Variants in ADAM12 observed in about 807,000 individuals in gnomAD.
ADAM12 encodes the protein ADAM metallopeptidase domain 12, also known as disintegrin and metalloproteinase domain-containing protein 12.
Under a neutral mutation model 106.4 loss-of-function variants are expected in ADAM12, and 70 were observed. The observed-to-expected ratio is 0.66, with a 90% CI of 0.54 to 0.80. The LOEUF is 0.80. Ranked by LOEUF, ADAM12 falls within the 30% of genes least tolerant of loss-of-function variation. The pLI is 0.00. For synonymous variants in ADAM12, 420 were observed against 433.5 expected, an observed-to-expected ratio of 0.97 and a Z score of 0.39; for missense variants, 1,010 against 1,171.9, an observed-to-expected ratio of 0.86 and a Z score of 2.02.
chr10:126,286,260 T>C (rs1959855483), intron 2 of ADAM12, among the ~76,000 whole-genome samples: 1 of 152,130 alleles, frequency 6.6e-6, no homozygotes. Context: ...TGAATTAATG[T>C]GGCAGTGGAA....
At chr10:126,136,002 C>A (rs1956398808) in intron 4 of ADAM12, among the ~76,000 whole-genome samples, 1 of 152,138 alleles carries the variant, frequency 6.6e-6, no homozygotes, top group South Asian at 2.1e-4. Context: ...TGTAAATTGT[C>A]TTTTGTAATG....
intron 2 of ADAM12, among the ~76,000 whole-genome samples, chr10:126,314,918 G>A (rs1320213454): frequency 6.6e-6 from 1 of 152,194 alleles, no homozygotes; most frequent in Non-Finnish European, 1.5e-5. Flanking sequence ...AAAGGGAGAA[G>A]CGGGGGTTTC....
At chr10:126,073,551 A>C (rs111372878) in intron 11 of ADAM12, among the ~76,000 whole-genome samples, 27,687 of 151,956 alleles carry the variant, frequency 0.18, 2,874 homozygotes, top group South Asian at 0.28. Context: ...CTCCTTTCCC[A>C]GTGTCTGTTG....
chr10:126,271,243 C>T (rs953711622), intron 3 of ADAM12, among the ~76,000 whole-genome samples: 4 of 152,224 alleles, frequency 2.6e-5, no homozygotes, highest in Admixed American at 2.6e-4. Flanking sequence ...CATCACTGTT[C>T]TCCTGGCATC....
At chr10:126,132,232 C>A (rs1042259611) in intron 5 of ADAM12, among the ~76,000 whole-genome samples, 1 of 152,190 alleles carries the variant, frequency 6.6e-6, no homozygotes, top group Admixed American at 6.5e-5. Context: ...CTCGGCCTCC[C>A]AAAGTGCTAG....
chr10:126,087,382 G>C lies in ADAM12; in HGVS notation c.1145+6603C>G, dbSNP rs1350972973. On this transcript the variant is annotated intron_variant, in intron 11 of 22. Transcript: ENST00000448723. ...TTCATTTTTCCCTGTGATAATGTCG[G>C]GGTACAGCTGACTCCATTACTCTGG... Among the ~76,000 whole-genome samples the C allele has an allele frequency of 2.6e-5, 4 of 152,184 alleles. No homozygotes were observed. The East Asian group carries it at 7.7e-4, about 29-fold the overall frequency.
intron 11 of ADAM12, among the ~76,000 whole-genome samples, chr10:126,076,380 G>A (rs1268544914): frequency 1.3e-5 from 2 of 152,312 alleles, no homozygotes; most frequent in East Asian, 3.9e-4. Flanking sequence ...ATGAAAGTAT[G>A]AGGGCACGTG....
chr10:126,182,845 C>T (rs975563729), intron 3 of ADAM12, among the ~76,000 whole-genome samples: 11 of 152,254 alleles, frequency 7.2e-5, no homozygotes, highest in Non-Finnish European at 1.2e-4. Flanking sequence ...ATTTTCCCGC[C>T]TCCTGGCACG....
intron 1 of ADAM12, among the ~76,000 whole-genome samples, chr10:126,345,619 T>C (rs964618333): frequency 6.6e-6 from 1 of 152,228 alleles, no homozygotes; most frequent in African/African-American, 2.4e-5. Flanking sequence ...TCCTTGTACC[T>C]CTGGTAGAAT....
chr10:126,125,452 C>T (rs2133646145), intron 5 of ADAM12, among the ~76,000 whole-genome samples: 1 of 152,032 alleles, frequency 6.6e-6, no homozygotes, highest in South Asian at 2.1e-4. Context: ...ACCATGTTGG[C>T]CAGGAGGGTC....
Position 126,053,103 on chromosome 10 carries a change from C to T in ADAM12, c.1610-3434G>A, listed in dbSNP as rs1051610505. Among the ~76,000 whole-genome samples the T allele has an allele frequency of 6.6e-6, 1 of 152,040 alleles. No individual in the cohort carries two copies. Among genetic ancestry groups the T allele is most frequent in the Non-Finnish European group, 1.5e-5 (1 of 68,026 alleles). ...CTGGTCGTTTAAAAGTGTGTGGCAC[C>T]TCCCTTTTCCTTCTCTCTCTTGCTC... On this transcript the variant is annotated intron_variant, in intron 14 of 22. Transcript: ENST00000448723. The surrounding 1 kb of genome is among the most constrained non-coding windows in gnomAD (Gnocchi z 4.6).
intron 11 of ADAM12, among the ~76,000 whole-genome samples, chr10:126,078,369 G>T (rs1036587985): frequency 6.6e-6 from 1 of 152,080 alleles, no homozygotes; most frequent in Admixed American, 6.6e-5. Flanking sequence ...TTCCTTAAGG[G>T]ATGTGCCCAC....
At chr10:126,165,571 T>C (rs1419930203) in intron 3 of ADAM12, among the ~76,000 whole-genome samples, 1 of 152,182 alleles carries the variant, frequency 6.6e-6, no homozygotes, top group Non-Finnish European at 1.5e-5. Flanking sequence ...AGAGGTTAAG[T>C]GACTTGTCCA....
chr10:126,283,505 G>A (rs1450417325), intron 2 of ADAM12, among the ~76,000 whole-genome samples: 2 of 152,210 alleles, frequency 1.3e-5, no homozygotes, highest in African/African-American at 4.8e-5. Flanking sequence ...TCTGCTGACT[G>A]TGCAACTGCG....
chr10:126,228,068 G>A (rs1958234996), intron 3 of ADAM12, among the ~76,000 whole-genome samples: 1 of 152,150 alleles, frequency 6.6e-6, no homozygotes, highest in African/African-American at 2.4e-5. Flanking sequence ...GTCAAGGACG[G>A]CCCCAGACAC....
In ADAM12 at chr10:126,019,711, G is replaced by A. The variant is rs138915748; in HGVS notation, c.2644C>T (p.Arg882Cys). ...CACACAAACCTGAGGGGTGCCAGGC[G>A]GAGCCCAGTCTCCCATTGTCCTGGG... ...RTPGQWETGL[R>C]LAPLRPAPQY... The change falls in exon 22 of 23, where the codon CGC (arginine) becomes TGC (cysteine). Residue 882 changes from arginine (R) to cysteine (C), a missense_variant. By Grantham distance (180) the Arg-to-Cys change is radical. Coordinates refer to ENST00000448723, the MANE Select transcript of ADAM12 (RefSeq NM_001288973.2). The A allele has an allele frequency of 2.0e-5, 32 of 1,613,740 alleles. No homozygotes were observed. The South Asian group carries it at 2.4e-4, about 12-fold the overall frequency.
intron 2 of ADAM12, among the ~76,000 whole-genome samples, chr10:126,304,968 C>A (rs1160039054): frequency 2.0e-5 from 3 of 151,882 alleles, no homozygotes; most frequent in Non-Finnish European, 2.9e-5. Flanking sequence ...ACCACCACCA[C>A]CGACATATAA....
intron 3 of ADAM12, among the ~76,000 whole-genome samples, chr10:126,170,059 G>T (rs1400217127): frequency 2.6e-5 from 4 of 152,226 alleles, no homozygotes; most frequent in Non-Finnish European, 5.9e-5. Flanking sequence ...TGAAGAACTT[G>T]TATTAATTGG....
At chr10:126,121,145 T>C (rs201946411) in intron 5 of ADAM12, among the ~76,000 whole-genome samples, 3 of 53,676 alleles carry the variant, frequency 5.6e-5, no homozygotes, top group Non-Finnish European at 9.2e-5. Context: ...ATACTATATA[T>C]ACTATATATA....
Sources: gnomAD v4.1 joint callset for allele counts (sites outside exome capture counted in the v4.1 genomes callset) on GRCh38, gnomAD v4.1.1 for gene constraint, Gnocchi (gnomAD v3.1) non-coding constraint, MANE v1.5 for transcripts, NCBI Gene and HGNC (gene_info 2026-07-23, HGNC 2026-07-21) for gene names.